Variants in CSMD3 observed in about 807,000 individuals in gnomAD.
The protein encoded by CSMD3 is CUB and sushi domain-containing protein 3.
A neutral mutation model predicts 435.2 loss-of-function variants in CSMD3; 177 were observed. The observed-to-expected ratio is 0.41, with a 90% CI of 0.36 to 0.46. The LOEUF (loss-of-function observed/expected upper bound fraction) is 0.46, where lower values mean the gene tolerates loss of function less well. Ranked by LOEUF, CSMD3 falls within the 20% of genes least tolerant of loss-of-function variation. The pLI, the probability that CSMD3 is intolerant of heterozygous loss-of-function variation, is 0.34. For missense variants in CSMD3, 4,265 were observed against 4,504.6 expected (o/e 0.95, Z 1.52); for synonymous variants, 1,656 against 1,520.5 (o/e 1.09, Z -2.07).
intron 13 of CSMD3, among the ~76,000 whole-genome samples, chr8:112,718,999 T>C (rs1010361035): frequency 1.3e-5 from 2 of 152,196 alleles, no homozygotes; most frequent in Non-Finnish European, 2.9e-5. Flanking sequence ...TTTTTCTGTA[T>C]AAATTCACTC....
chr8:112,427,406 G>A (rs552036505), intron 32 of CSMD3, among the ~76,000 whole-genome samples: 9 of 152,166 alleles, frequency 5.9e-5, no homozygotes, highest in African/African-American at 1.9e-4. Context: ...GAGATCTGAT[G>A]TTTTCATAAG....
chr8:112,991,462 C>G (rs1241491351), intron 6 of CSMD3, among the ~76,000 whole-genome samples: 1 of 151,710 alleles, frequency 6.6e-6, no homozygotes, highest in African/African-American at 2.4e-5. Context: ...AAAATATGCT[C>G]TCTAAAAATG....
intron 6 of CSMD3, among the ~76,000 whole-genome samples, chr8:113,003,023 T>C (rs1410230020): frequency 6.6e-6 from 1 of 152,080 alleles, no homozygotes; most frequent in Non-Finnish European, 1.5e-5. Flanking sequence ...GTGGATCACC[T>C]GAGGTCAGGA....
chr8:113,428,403 C>T (rs1463984409), intron 1 of CSMD3, among the ~76,000 whole-genome samples: 1 of 151,616 alleles, frequency 6.6e-6, no homozygotes, highest in African/African-American at 2.4e-5. Context: ...AAGTCTATGG[C>T]TTATGAATCT....
At chr8:113,011,078 C>T (rs1247853490) in intron 6 of CSMD3, among the ~76,000 whole-genome samples, 1 of 151,410 alleles carries the variant, frequency 6.6e-6, no homozygotes, top group Non-Finnish European at 1.5e-5. Context: ...GAATGATGTC[C>T]TCTAATAATT....
At chr8:112,448,457 A>G (rs1394047860) in intron 32 of CSMD3, among the ~76,000 whole-genome samples, 1 of 152,138 alleles carries the variant, frequency 6.6e-6, no homozygotes, top group East Asian at 1.9e-4. Flanking sequence ...ACACACATAC[A>G]ACAGAGGAAA....
intron 13 of CSMD3, among the ~76,000 whole-genome samples, chr8:112,795,571 C>A (rs1267369243): frequency 6.6e-6 from 1 of 152,040 alleles, no homozygotes; most frequent in African/African-American, 2.4e-5. Context: ...TTGAGGGGTC[C>A]AATCTTCTCC....
At chr8:112,269,725 T>C (rs1817290239) in intron 59 of CSMD3, among the ~76,000 whole-genome samples, 1 of 152,222 alleles carries the variant, frequency 6.6e-6, no homozygotes, top group African/African-American at 2.4e-5. Flanking sequence ...GTACTTATTA[T>C]ATCTTCTCTC....
At chr8:112,971,094 T>A (rs1255925940) in intron 7 of CSMD3, among the ~76,000 whole-genome samples, 9 of 152,202 alleles carry the variant, frequency 5.9e-5, no homozygotes, top group African/African-American at 2.2e-4. Context: ...TGTCAGTCCC[T>A]CTACTGTAAT....
At chr8:112,556,395 A>T (rs1289245917) in intron 25 of CSMD3, among the ~76,000 whole-genome samples, 1 of 151,988 alleles carries the variant, frequency 6.6e-6, no homozygotes, top group Non-Finnish European at 1.5e-5. Flanking sequence ...TTGATTCCAC[A>T]ATAGGTAATA....
At chr8:112,546,682 A>G (rs1477436306) in intron 27 of CSMD3, among the ~76,000 whole-genome samples, 3 of 152,164 alleles carry the variant, frequency 2.0e-5, no homozygotes, top group African/African-American at 7.2e-5. Flanking sequence ...GGCAGATTAA[A>G]ATGTAAGCAG....
At chr8:112,336,417 T>C (rs1824558928) in intron 44 of CSMD3, among the ~76,000 whole-genome samples, 1 of 152,186 alleles carries the variant, frequency 6.6e-6, no homozygotes, top group Admixed American at 6.5e-5. Flanking sequence ...TAATCTTGTT[T>C]TCACCTATGA....
At chr8:112,741,794 A>AAGATAGATAGAT (rs3039663) in intron 13 of CSMD3, among the ~76,000 whole-genome samples, 20,619 of 149,356 alleles carry the variant, frequency 0.14, 1,532 homozygotes, top group East Asian at 0.16. Context: ...AGATAGAGAG[A>AAGATAGATAGAT]AGATAGATAG....
Position 112,864,037 on chromosome 8 carries a change from TAAAA to T in CSMD3, c.1634-4775_1634-4772del, listed in dbSNP as rs546832406. ...AGAGGTTCCAGGCAGGGCAAAAAAA[TAAAA>T]AAAATTTGAAGAGTTACATAATTTG... is the stretch of plus-strand genomic sequence containing the variant. On this transcript the variant is annotated intron_variant, in intron 10 of 70. Coordinates refer to ENST00000297405, the MANE Select transcript of CSMD3 (RefSeq NM_198123.2). Among the ~76,000 whole-genome samples, 419 of 151,790 alleles carry T rather than the reference TAAAA, an allele frequency of 2.8e-3. 6 individuals carry two copies. The highest frequency in any genetic ancestry group is 9.6e-3 in the African/African-American group (397 of 41,430).
rs756665314 is a variant in CSMD3, at chr8:112,845,438, G to T, written c.1755+13707C>A. Among the ~76,000 whole-genome samples the T allele has an allele frequency of 1.4e-4, 22 of 151,948 alleles. No individual in the cohort carries two copies. The South Asian group carries it at 1.7e-3, about 11-fold the overall frequency. On this transcript the variant is annotated intron_variant, in intron 11 of 70. Transcript: ENST00000297405. ...CTAGAAGATGCCATTAATAAACAGG[G>T]TCACAAGACTGGAGATGTGTAAACA...
chr8:113,418,888 A>G (rs1201509886), intron 1 of CSMD3, among the ~76,000 whole-genome samples: 2 of 152,208 alleles, frequency 1.3e-5, no homozygotes, highest in Admixed American at 6.5e-5. Flanking sequence ...TATTAAATAC[A>G]TCTGAAACTT....
intron 3 of CSMD3, among the ~76,000 whole-genome samples, chr8:113,212,435 C>T (rs2092847591): frequency 6.6e-6 from 1 of 152,102 alleles, no homozygotes; most frequent in Admixed American, 6.6e-5. Flanking sequence ...CTATTGGTTT[C>T]TTATTACCTT....
At chr8:113,129,502 G>C (rs2091229572) in intron 4 of CSMD3, among the ~76,000 whole-genome samples, 1 of 152,074 alleles carries the variant, frequency 6.6e-6, no homozygotes, top group African/African-American at 2.4e-5. Context: ...GCAACCAGAT[G>C]GAAATTTGTC....
chr8:112,392,077 A>G (rs1830461727), intron 35 of CSMD3, among the ~76,000 whole-genome samples: 1 of 152,184 alleles, frequency 6.6e-6, no homozygotes, highest in Non-Finnish European at 1.5e-5. Context: ...GCTAGAATGT[A>G]CATAAGAAAC....
Sources: allele counts gnomAD v4.1 joint callset (sites outside exome capture counted in the v4.1 genomes callset), GRCh38; gene constraint gnomAD v4.1.1; transcripts MANE v1.5; gene names NCBI Gene and HGNC (gene_info 2026-07-23, HGNC 2026-07-21).